The following KDM4B variants were observed in gnomAD, a reference collection of about 807,000 sequenced individuals.
The protein encoded by KDM4B is lysine-specific demethylase 4B.
Under a neutral mutation model 125.2 loss-of-function variants are expected in KDM4B, and 32 were observed. That is an observed-to-expected ratio of 0.26 (90% CI 0.19 to 0.34). KDM4B has a LOEUF of 0.34. KDM4B is among the 10% of genes least tolerant of loss of function. The probability of loss-of-function intolerance (pLI) is 1.00; values close to 1 mark genes in which losing one functional copy is unlikely to be tolerated. For missense variants in KDM4B, 1,190 were observed against 1,577.7 expected, an observed-to-expected ratio of 0.75 and a Z score of 4.16; for synonymous variants, 721 against 677.9, an observed-to-expected ratio of 1.06 and a Z score of -0.99.
intron 1 of KDM4B, among the ~76,000 whole-genome samples, chr19:4,975,625 C>T (rs8100907): frequency 0.36 from 52,485 of 147,666 alleles, 9,945 homozygotes; most frequent in East Asian, 0.71. Flanking sequence ...CAGAGTTTTG[C>T]TCTGTGGCCC....
chr19:5,008,954 T>G (rs1959187026), intron 1 of KDM4B, among the ~76,000 whole-genome samples: 1 of 145,188 alleles, frequency 6.9e-6, no homozygotes, highest in Non-Finnish European at 1.5e-5. Context: ...TTCGCTGTGT[T>G]GCCCAGGCTG....
At chr19:4,992,572 C>CA (rs1282198378) in intron 1 of KDM4B, among the ~76,000 whole-genome samples, 1 of 152,086 alleles carries the variant, frequency 6.6e-6, no homozygotes, top group Non-Finnish European at 1.5e-5. Context: ...CTCAGCCCAC[C>CA]AAGTAGCTGG....
intron 9 of KDM4B, among the ~76,000 whole-genome samples, chr19:5,094,529 CCGT>C (rs2038779176): frequency 6.6e-6 from 1 of 152,090 alleles, no homozygotes; most frequent in African/African-American, 2.4e-5. Context: ...TGGATGGCCG[CCGT>C]CTAGACGGGC....
At chr19:5,059,935 G>A (rs1568266418) in intron 6 of KDM4B, among the ~76,000 whole-genome samples, 1 of 152,202 alleles carries the variant, frequency 6.6e-6, no homozygotes, top group African/African-American at 2.4e-5. Flanking sequence ...CTCCCACCAC[G>A]GGCACATCAG....
intron 10 of KDM4B, chr19:5,111,722 C>T (rs970185319): frequency 4.3e-5 from 33 of 760,792 alleles, no homozygotes; most frequent in East Asian, 3.9e-4. Context: ...GCTCAGCCAA[C>T]TCCTCCGGGG....
Position 5,120,606 on chromosome 19 carries a change from G to T in KDM4B, c.1315+754G>T, listed in dbSNP as rs532521692. Among the ~76,000 whole-genome samples, 17 of 152,330 alleles carry T rather than the reference G, an allele frequency of 1.1e-4. No individual in the cohort carries two copies. The East Asian group carries it at 3.3e-3, about 29-fold the overall frequency. ...ATTACCTTCCCCAGGGGGAGGTTTT[G>T]GCTGTGGAACTCCCACCTGTGAGTG... is the stretch of plus-strand genomic sequence containing the variant. On this transcript the variant is annotated intron_variant, in intron 11 of 22. Transcript: ENST00000159111.
rs1234249505 is a variant in KDM4B at position 5,151,571 on chromosome 19, G to A, written c.*60G>A. The A allele has an allele frequency of 7.2e-5, 91 of 1,262,334 alleles. No individual in the cohort carries two copies. Among genetic ancestry groups the A allele is most frequent in the Non-Finnish European group, 8.4e-5 (83 of 993,780 alleles). The allele number at this position is 1,262,334 out of a possible 1,614,324, so 78.2% of individuals were successfully genotyped here. On this transcript the variant is annotated 3_prime_UTR_variant, in exon 23 of 23. Coordinates refer to ENST00000159111, the MANE Select transcript of KDM4B (RefSeq NM_015015.3). ...GGGGAGGCCATGGCATGCCCCGGGC[G>A]TTCGCTTGCTGTGAATTCCTGTCCT...
chr19:5,075,384 TA>T (rs2038073546), intron 7 of KDM4B: 1 of 152,346 alleles, frequency 6.6e-6, no homozygotes, highest in Admixed American at 6.5e-5. Context: ...GGGGCATCCT[TA>T]CCTTACCCGC....
rs1599270828 is a variant in KDM4B at position 5,144,083 on chromosome 19, C to T, written c.2667C>T (p.Leu889=). 7.5e-6 allele frequency: 12 copies of T among 1,605,762 alleles called. No individual in the cohort carries two copies. Among genetic ancestry groups the T allele is most frequent in the Non-Finnish European group, 1.0e-5 (12 of 1,173,998 alleles). Residue 889 remains leucine, a synonymous_variant, in exon 19 of 23, where the codon CTC becomes CTT. Transcript: ENST00000159111. ...CCTGCGCCCACGCCGCAGGCGTGCT[C>T]ATGGAGCCGGACGACTGGCCCTATG... ...HVTCAHAAGV[L]MEPDDWPYVV... is the part of the protein sequence containing the mutation.
chr19:5,129,285 C>T (rs1395957586), intron 11 of KDM4B, among the ~76,000 whole-genome samples: 1 of 152,054 alleles, frequency 6.6e-6, no homozygotes, highest in Non-Finnish European at 1.5e-5. Flanking sequence ...CTCCTGGCTG[C>T]AGGGTCTGTT....
intron 1 of KDM4B, among the ~76,000 whole-genome samples, chr19:4,993,888 A>G (rs1438927904): frequency 6.6e-6 from 1 of 152,118 alleles, no homozygotes; most frequent in Non-Finnish European, 1.5e-5. Context: ...CTTGGATTAC[A>G]GGCATGAGTC....
At chr19:5,007,985 G>T (rs980881920) in intron 1 of KDM4B, among the ~76,000 whole-genome samples, 1 of 152,202 alleles carries the variant, frequency 6.6e-6, no homozygotes, top group Non-Finnish European at 1.5e-5. Flanking sequence ...TAAGAGTTGG[G>T]TAGTTCTGAG....
At chr19:5,119,963 G>T in intron 11 of KDM4B, 111 bp downstream of exon 11, 1 of 1,325,846 alleles carries the variant, frequency 7.5e-7, no homozygotes, top group African/African-American at 1.5e-5. Flanking sequence ...GTAAGAATCT[G>T]ATTCAGTGGC....
intron 6 of KDM4B, among the ~76,000 whole-genome samples, chr19:5,065,347 T>C (rs1328334966): frequency 2.6e-5 from 4 of 152,252 alleles, no homozygotes; most frequent in Non-Finnish European, 4.4e-5. Flanking sequence ...CTGTGTTCCC[T>C]TTCCTGACAC....
intron 6 of KDM4B, among the ~76,000 whole-genome samples, chr19:5,062,890 C>T (rs2037652189): frequency 6.6e-6 from 1 of 150,558 alleles, no homozygotes; most frequent in Admixed American, 6.7e-5. Context: ...CAGTGATCCT[C>T]CTGCCTCAGC....
chr19:5,109,029 A>G (rs543643667), intron 9 of KDM4B, among the ~76,000 whole-genome samples: 7 of 152,066 alleles, frequency 4.6e-5, no homozygotes, highest in Non-Finnish European at 7.4e-5. Context: ...CCGCAGGTCA[A>G]CTCTGTCCCT....
At chr19:5,145,716 G>A (rs1188528569) in intron 21 of KDM4B, among the ~76,000 whole-genome samples, 4 of 152,252 alleles carry the variant, frequency 2.6e-5, no homozygotes, top group Non-Finnish European at 5.9e-5. Flanking sequence ...CCCCTGGCTC[G>A]AGGCTCCCGG....
intron 6 of KDM4B, among the ~76,000 whole-genome samples, chr19:5,063,072 G>A (rs1402593570): frequency 6.6e-6 from 1 of 151,970 alleles, no homozygotes; most frequent in Admixed American, 6.6e-5. Flanking sequence ...CTGTGATGAT[G>A]GGCAGGTTGT....
chr19:4,998,395 A>G (rs2035268151), intron 1 of KDM4B, among the ~76,000 whole-genome samples: 1 of 152,186 alleles, frequency 6.6e-6, no homozygotes, highest in Non-Finnish European at 1.5e-5. Context: ...CAAAATTGCA[A>G]GAATAATAGG....
Sources: gnomAD v4.1 joint callset for allele counts (sites outside exome capture counted in the v4.1 genomes callset) on GRCh38, gnomAD v4.1.1 for gene constraint, MANE v1.5 for transcripts, NCBI Gene and HGNC (gene_info 2026-07-23, HGNC 2026-07-21) for gene names.